The following AIG1 variants were observed in gnomAD, a reference collection of about 807,000 sequenced individuals.
AIG1 encodes the protein androgen induced 1.
In AIG1, 23 loss-of-function variants were observed where a neutral mutation model predicts 31.4. The ratio of observed to expected loss-of-function variants is 0.73; its 90% CI spans 0.53 to 1.04. AIG1 has a LOEUF of 1.04. Ranked by LOEUF, AIG1 falls within the 50% of genes least tolerant of loss-of-function variation. AIG1 has a pLI of 0.00. For missense variants in AIG1, 274 were observed against 295.0 expected (o/e 0.93, Z 0.52); for synonymous variants, 100 against 110.5 (o/e 0.90, Z 0.60).
Position 143,329,771 on chromosome 6 carries a change from G to A in AIG1, c.516-3511G>A, listed in dbSNP as rs1156797804. Among the ~76,000 whole-genome samples, 2 of 152,178 alleles carry A rather than the reference G, an allele frequency of 1.3e-5. No individual in the cohort carries two copies. Among genetic ancestry groups the A allele is most frequent in the African/African-American group, 4.8e-5 (2 of 41,436 alleles). ...AAAAATCAAAAGATGAATATTTCAT[G>A]ATGTGAAAATTACATCTAATTCAAA... On this transcript the variant is annotated intron_variant, in intron 4 of 5. Transcript: ENST00000357847. This position sits in a 1 kb window ranked among gnomAD's most constrained non-coding sequence, Gnocchi z 4.9.
intron 1 of AIG1, among the ~76,000 whole-genome samples, chr6:143,076,215 T>C (rs1450973708): frequency 6.6e-6 from 1 of 152,212 alleles, no homozygotes; most frequent in Non-Finnish European, 1.5e-5. Context: ...GTTTTATTAG[T>C]TCTTGCATCA....
intron 3 of AIG1, chr6:143,189,982 C>G (rs1342382879): frequency 2.1e-6 from 1 of 487,560 alleles, no homozygotes; most frequent in Non-Finnish European, 2.7e-6. Flanking sequence ...TACAGACTTC[C>G]AGCTTCTTGC....
chr6:143,151,389 A>G (rs1785209665), intron 2 of AIG1, among the ~76,000 whole-genome samples: 1 of 152,272 alleles, frequency 6.6e-6, no homozygotes, highest in Non-Finnish European at 1.5e-5. Flanking sequence ...TACAATACCA[A>G]GAAACAAATA....
intron 3 of AIG1, among the ~76,000 whole-genome samples, chr6:143,172,501 C>A (rs534657676): frequency 6.6e-6 from 1 of 152,268 alleles, no homozygotes; most frequent in South Asian, 2.1e-4. Flanking sequence ...CATCTATGTT[C>A]ATCAGGAATA....
intron 1 of AIG1, among the ~76,000 whole-genome samples, chr6:143,110,288 A>T (rs1415419550): frequency 1.3e-5 from 2 of 152,062 alleles, no homozygotes; most frequent in Non-Finnish European, 2.9e-5. Context: ...CTTCAATATA[A>T]TTTTTTTTAT....
intron 2 of AIG1, among the ~76,000 whole-genome samples, chr6:143,159,733 A>C (rs73777897): frequency 7.2e-5 from 11 of 152,320 alleles, no homozygotes; most frequent in African/African-American, 2.6e-4. Context: ...TTGGACACTC[A>C]GGATTCCATA....
intron 2 of AIG1, among the ~76,000 whole-genome samples, chr6:143,145,399 G>T: frequency 6.6e-6 from 1 of 152,136 alleles, no homozygotes. Flanking sequence ...TGTACTTGGA[G>T]TTGCCACCTA....
rs1380840244 is a variant in AIG1 at position 143,297,986 on chromosome 6, A to C, written c.515+13761A>C. ...CGTACAAAACTCTTACATAAATTAA[A>C]ATGATGCATAAATTTACAGGTAAAA... On this transcript the variant is annotated intron_variant, in intron 4 of 5. Transcript: ENST00000357847. The surrounding 1 kb of genome is among the most constrained non-coding windows in gnomAD (Gnocchi z 5.1). 6.6e-6 allele frequency among the ~76,000 whole-genome samples: 1 copy of C among 152,188 alleles called. No individual in the cohort carries two copies. The highest frequency in any genetic ancestry group is 1.5e-5 in the Non-Finnish European group (1 of 68,028).
chr6:143,165,031 T>A (rs1786789138), intron 2 of AIG1, 51 bp from the exon 3 acceptor site: 2 of 1,337,860 alleles, frequency 1.5e-6, no homozygotes, highest in African/African-American at 2.9e-5. Flanking sequence ...ATAAATTGTA[T>A]GTTGTGGATA....
intron 1 of AIG1, among the ~76,000 whole-genome samples, chr6:143,107,942 A>G (rs1175328395): frequency 6.6e-6 from 1 of 152,222 alleles, no homozygotes; most frequent in Admixed American, 6.5e-5. Context: ...GACAGACAGC[A>G]TGATTTTACA....
intron 1 of AIG1, among the ~76,000 whole-genome samples, chr6:143,120,990 G>A (rs1208158660): frequency 1.3e-5 from 2 of 152,242 alleles, no homozygotes; most frequent in African/African-American, 4.8e-5. Flanking sequence ...GTGCCTTAAG[G>A]ACATGCTCCT....
chr6:143,174,486 C>CAAAAAA (rs71024844), intron 3 of AIG1, among the ~76,000 whole-genome samples: 37 of 59,510 alleles, frequency 6.2e-4, no homozygotes, highest in African/African-American at 7.5e-4. Context: ...GACTCCGTCT[C>CAAAAAA]AAAAAAAAAA....
At chr6:143,242,638 T>C (rs1314472832) in intron 3 of AIG1, among the ~76,000 whole-genome samples, 1 of 152,228 alleles carries the variant, frequency 6.6e-6, no homozygotes, top group East Asian at 1.9e-4. Flanking sequence ...AGTGCCATTA[T>C]AGGGGTGCTT....
intron 3 of AIG1, among the ~76,000 whole-genome samples, chr6:143,220,183 G>A (rs1331676426): frequency 1.3e-5 from 2 of 152,128 alleles, no homozygotes; most frequent in Admixed American, 6.5e-5. Context: ...TCAGGTTCCA[G>A]CTTGTATGTC....
At chr6:143,181,413 A>C (rs1042867615) in intron 3 of AIG1, among the ~76,000 whole-genome samples, 2 of 152,190 alleles carry the variant, frequency 1.3e-5, no homozygotes, top group East Asian at 3.8e-4. Context: ...CCTGTACATA[A>C]GCTTTTTTCT....
At chr6:143,213,234 C>T (rs1341245211) in intron 3 of AIG1, among the ~76,000 whole-genome samples, 3 of 152,098 alleles carry the variant, frequency 2.0e-5, no homozygotes, top group Non-Finnish European at 4.4e-5. Flanking sequence ...TATTAATCTA[C>T]AAATAATTAT....
At chr6:143,238,230 C>T (rs968578759) in intron 3 of AIG1, among the ~76,000 whole-genome samples, 2 of 152,162 alleles carry the variant, frequency 1.3e-5, no homozygotes, top group Middle Eastern at 3.2e-3. Context: ...CGTGAGCCAC[C>T]GCACCCGGCC....
chr6:143,241,507 G>A (rs552401406), intron 3 of AIG1, among the ~76,000 whole-genome samples: 2 of 152,002 alleles, frequency 1.3e-5, no homozygotes, highest in South Asian at 2.1e-4. Flanking sequence ...TTTCCATGCC[G>A]CTCTACTGTT....
rs577194458 is a variant in AIG1, at chr6:143,173,289, C to G, written c.399+8106C>G. 1.9e-4 allele frequency among the ~76,000 whole-genome samples: 29 copies of G among 152,326 alleles called. 1 individual carries two copies. The highest frequency in any genetic ancestry group is 1.8e-3 in the Admixed American group (28 of 15,300). ...TGTTGGCCAGACTGGTCTTGAACTC[C>G]TGACCTCAAGTGATCCACCCACCTT... On this transcript the variant is annotated intron_variant, in intron 3 of 5. Coordinates refer to ENST00000357847, the MANE Select transcript of AIG1 (RefSeq NM_016108.4).
Sources: gnomAD v4.1 joint callset for allele counts (sites outside exome capture counted in the v4.1 genomes callset) on GRCh38, gnomAD v4.1.1 for gene constraint, Gnocchi (gnomAD v3.1) non-coding constraint, MANE v1.5 for transcripts, NCBI Gene and HGNC (gene_info 2026-07-23, HGNC 2026-07-21) for gene names.